HIPK1: variants seen among roughly 807,000 people sequenced by gnomAD.
HIPK1 encodes the protein homeodomain interacting protein kinase 1, also known as homeodomain-interacting protein kinase 1.
In HIPK1, 28 loss-of-function variants were observed where a neutral mutation model predicts 117.1. The observed-to-expected ratio is 0.24, with a 90% confidence interval of 0.18 to 0.33. HIPK1 has a LOEUF of 0.33. Ranked by LOEUF, HIPK1 falls within the 10% of genes least tolerant of loss-of-function variation. HIPK1 has a pLI of 1.00. For synonymous variants in HIPK1, 605 were observed against 562.5 expected (o/e 1.08, Z -1.07); for missense variants, 1,122 against 1,475.1 (o/e 0.76, Z 3.92).
At position 113,977,132 on chromosome 1, in the gene HIPK1, G is replaced by A. The variant is rs1295707773; in HGVS notation, c.*3620G>A. ...AGCACAGTAATGTGTGTTTTGTTCA[G>A]CATTATTATGCAAAAATTCACTAGT... On this transcript the variant is annotated 3_prime_UTR_variant, in exon 16 of 16. Transcript: ENST00000426820. The A allele has an allele frequency of 1.3e-5, 2 of 152,574 alleles. No homozygotes were observed. The highest frequency in any genetic ancestry group is 2.9e-5 in the Non-Finnish European group (2 of 68,012). The allele number at this position is 152,574 out of a possible 1,614,324, so 9.5% of individuals were successfully genotyped here.
At chr1:113,966,405 T>C (rs577378248) in intron 11 of HIPK1, 133 bp downstream of exon 11, 2 of 739,540 alleles carry the variant, frequency 2.7e-6, no homozygotes, top group South Asian at 2.6e-5. Context: ...TAAGAACCCA[T>C]ATCAGGCTAG....
In HIPK1 at chr1:113,933,074, T is replaced by C. The variant is rs1247184570; in HGVS notation, c.-3+3542T>C. ...AGACCTATAGACTGTTATGTGCAGG[T>C]ACTAAAATGTAGTACCTTTTTACTA... On this transcript the variant is annotated intron_variant, in intron 1 of 15. Transcript: ENST00000426820. The C allele has an allele frequency of 1.0e-5, 4 of 395,682 alleles. No homozygotes were observed. The East Asian group carries it at 6.4e-4, about 64-fold the overall frequency. The allele number at this position is 395,682 out of a possible 1,614,324, so 24.5% of individuals were successfully genotyped here.
At chr1:113,958,614 TA>T (rs1354787111) in intron 8 of HIPK1, among the ~76,000 whole-genome samples, 1 of 152,254 alleles carries the variant, frequency 6.6e-6, no homozygotes, top group Non-Finnish European at 1.5e-5. Context: ...GCAAAATCTA[TA>T]CAACTTGAAA....
Position 113,968,592 on chromosome 1 carries a change from C to T in HIPK1, c.2715C>T (p.Val905=). 1 of 1,614,142 alleles carries T rather than the reference C, an allele frequency of 6.2e-7. No homozygotes were observed. The highest frequency in any genetic ancestry group is 8.5e-7 in the Non-Finnish European group (1 of 1,179,976). ...IPDTPSPPVS[V]ITIRSDTDEE... is the part of the protein sequence containing the mutation. The stretch of plus-strand genomic sequence containing the variant: ...ATACTCCCAGCCCTCCTGTGAGTGT[C>T]ATCACTATCCGAAGTGACACTGATG... The change falls in exon 13 of 16, where the codon GTC becomes GTT. Residue 905 remains valine, a synonymous_variant. Transcript: ENST00000426820.
In HIPK1 at chr1:113,976,241, C is replaced by G. The variant is rs991221734; in HGVS notation, c.*2729C>G. 7 of 152,416 alleles carry G rather than the reference C, an allele frequency of 4.6e-5. No individual in the cohort carries two copies. Among genetic ancestry groups the G allele is most frequent in the Admixed American group, 6.5e-5 (1 of 15,270 alleles). The allele number at this position is 152,416 out of a possible 1,614,324, so 9.4% of individuals were successfully genotyped here. ...GTTGTGTTTTCAGCACTATATTGGT[C>G]AAGATAGCCAAGCAGTTTGTATAAT... On this transcript the variant is annotated 3_prime_UTR_variant, in exon 16 of 16. Coordinates refer to ENST00000426820, the MANE Select transcript of HIPK1 (RefSeq NM_198268.3).
At chr1:113,969,900 C>G in intron 13 of HIPK1, 56 bp from the exon 14 acceptor site, 1 of 1,596,308 alleles carries the variant, frequency 6.3e-7, no homozygotes, top group Non-Finnish European at 8.5e-7. Context: ...GAACAAGACG[C>G]TGTCACACAC....
intron 1 of HIPK1, chr1:113,933,294 A>T (rs76012244): frequency 0.012 from 7,699 of 647,288 alleles, 68 homozygotes; most frequent in Middle Eastern, 0.027. Flanking sequence ...GAGAGGAAAC[A>T]TGTTGAAGGA....
At chr1:113,966,038 T>G in intron 10 of HIPK1, 92 bp from the exon 11 acceptor site, 2 of 1,306,780 alleles carry the variant, frequency 1.5e-6, no homozygotes, top group Non-Finnish European at 2.1e-6. Context: ...GCAACTTCTT[T>G]TAAGATATGA....
intron 8 of HIPK1, among the ~76,000 whole-genome samples, chr1:113,960,456 G>T (rs891077907): frequency 2.6e-5 from 4 of 152,144 alleles, no homozygotes; most frequent in Non-Finnish European, 4.4e-5. Context: ...GGCCAAAATA[G>T]ATAACACATT....
Position 113,972,097 on chromosome 1 carries a change from G to T in HIPK1, c.3144+143G>T, listed in dbSNP as rs576180015. 2.5e-6 allele frequency: 4 copies of T among 1,597,862 alleles called. No homozygotes were observed. In the African/African-American group the frequency reaches 5.4e-5, roughly 21 times the overall value. ...AATTTTGTGTTCTATGGCTTACGTC[G>T]TACCGCATATGCTGTGTCTCTTCAT... On this transcript the variant is annotated intron_variant, in intron 15 of 15. Transcript: ENST00000426820.
chr1:113,942,007 C>T (rs571629423), intron 2 of HIPK1, among the ~76,000 whole-genome samples: 4 of 151,928 alleles, frequency 2.6e-5, no homozygotes, highest in South Asian at 2.1e-4. Context: ...GTGATCCACC[C>T]GTCTCGGCCT....
rs147784034 is a variant in HIPK1 at position 113,958,126 on chromosome 1, G to A, written c.1816G>A (p.Asp606Asn). The stretch of plus-strand genomic sequence containing the variant: ...TGCTACTCTTTCTCTGGCTAATTCA[G>A]ATGTCTCACTACTAAACTACCAGTC... ...AAATLSLANS[D>N]VSLLNYQSAL... is the part of the protein sequence containing the mutation. Residue 606 changes from aspartate to asparagine, a missense_variant, in exon 8 of 16, where the codon GAT becomes AAT. This residue lies in a region of HIPK1 where 731 missense variants were observed against 860.4 expected (regional missense o/e 0.85). Coordinates refer to ENST00000426820, the MANE Select transcript of HIPK1 (RefSeq NM_198268.3). The A allele has an allele frequency of 6.2e-7, 1 of 1,614,140 alleles. No homozygotes were observed. The highest frequency in any genetic ancestry group is 8.5e-7 in the Non-Finnish European group (1 of 1,180,014).
chr1:113,973,239 T>C lies in HIPK1; in HGVS notation c.3360T>C (p.Ala1120=). 4 of 1,614,172 alleles carry C rather than the reference T, an allele frequency of 2.5e-6. No homozygotes were observed. Among genetic ancestry groups the C allele is most frequent in the Non-Finnish European group, 3.4e-6 (4 of 1,180,030 alleles). ...HLYTYAAPTS[A]AALGSTSSIA... The stretch of plus-strand genomic sequence containing the variant: ...ATACGTATGCTGCCCCGACTTCTGC[T>C]GCTGCACTGGGCTCAACCAGCTCCA... The change falls in exon 16 of 16, where the codon GCT becomes GCC. Residue 1120 remains alanine (A), a synonymous_variant. Transcript: ENST00000426820.
In HIPK1 at chr1:113,958,226, C is replaced by T; in HGVS notation, c.1916C>T (p.Thr639Ile). Reference sequence around the variant, plus strand: ...GGTGTTTCCTTGCAGCCTGGAACCACCCAGATTTGCACTCAGACAGATCCA... The same window carrying T: ...GGTGTTTCCTTGCAGCCTGGAACCATCCAGATTTGCACTCAGACAGATCCA... The part of the protein sequence containing the change: ...QQGVSLQPGT[T>I]QICTQTDPFQ... The change falls in exon 8 of 16, where the codon ACC becomes ATC. Residue 639 changes from threonine (T) to isoleucine (I), a missense_variant. By Grantham distance (89) the Thr-to-Ile change is moderately conservative. Transcript: ENST00000426820. 6.2e-7 allele frequency: 1 copy of T among 1,614,150 alleles called. No individual in the cohort carries two copies. Among genetic ancestry groups the T allele is most frequent in the Non-Finnish European group, 8.5e-7 (1 of 1,180,038 alleles).
intron 3 of HIPK1, among the ~76,000 whole-genome samples, chr1:113,953,427 T>C (rs765362538): frequency 4.6e-5 from 7 of 152,250 alleles, no homozygotes; most frequent in African/African-American, 7.2e-5. Context: ...TTAGGAGATA[T>C]GGTATAATTT....
intron 1 of HIPK1, among the ~76,000 whole-genome samples, chr1:113,938,497 T>C (rs927300585): frequency 2.0e-5 from 3 of 152,114 alleles, no homozygotes; most frequent in Non-Finnish European, 4.4e-5. Context: ...AGTTATCTGA[T>C]TTGCATTGTT....
intron 1 of HIPK1, among the ~76,000 whole-genome samples, chr1:113,937,127 G>A (rs1005873233): frequency 1.3e-5 from 2 of 152,134 alleles, no homozygotes; most frequent in East Asian, 3.8e-4. Flanking sequence ...CAGTTAAATT[G>A]TACTGACCTT....
At chr1:113,931,945 C>T (rs1350226262) in intron 1 of HIPK1, among the ~76,000 whole-genome samples, 1 of 152,168 alleles carries the variant, frequency 6.6e-6, no homozygotes, top group African/African-American at 2.4e-5. Flanking sequence ...TATTATTCCT[C>T]CCGTTATCTT....
intron 11 of HIPK1, among the ~76,000 whole-genome samples, chr1:113,967,014 CACTTAACATGATG>C (rs1368698110): frequency 6.6e-6 from 1 of 152,094 alleles, no homozygotes; most frequent in African/African-American, 2.4e-5. Flanking sequence ...TGGCTTATTT[CACTTAACATGATG>C]ATCTTGAGTT....
Sources: allele counts gnomAD v4.1 joint callset (sites outside exome capture counted in the v4.1 genomes callset), GRCh38; gene constraint gnomAD v4.1.1; regional missense constraint gnomAD v4.1.1; transcripts MANE v1.5; gene names NCBI Gene and HGNC (gene_info 2026-07-23, HGNC 2026-07-21).